CCBE1: variants seen among roughly 807,000 people sequenced by gnomAD.
CCBE1 encodes collagen and calcium binding EGF domains 1.
Under a neutral mutation model 50.0 loss-of-function variants are expected in CCBE1, and 37 were observed. The ratio of observed to expected loss-of-function variants is 0.74; its 90% CI spans 0.57 to 0.97. The LOEUF is 0.97. Among genes scored for constraint, CCBE1 ranks in the 50% least tolerant of loss-of-function variants. The pLI, the probability that CCBE1 is intolerant of heterozygous loss-of-function variation, is 0.00. For synonymous variants in CCBE1, 234 were observed against 203.7 expected, an observed-to-expected ratio of 1.15 and a Z score of -1.27; for missense variants, 538 against 523.8, an observed-to-expected ratio of 1.03 and a Z score of -0.26.
At chr18:59,549,642 A>T (rs938398182) in intron 2 of CCBE1, among the ~76,000 whole-genome samples, 12 of 152,180 alleles carry the variant, frequency 7.9e-5, no homozygotes, top group African/African-American at 2.9e-4. Context: ...ATGCCAGAAC[A>T]CACCAATTAT....
chr18:59,650,321 G>A (rs908599333), intron 2 of CCBE1, among the ~76,000 whole-genome samples: 1 of 150,680 alleles, frequency 6.6e-6, no homozygotes, highest in African/African-American at 2.4e-5. Flanking sequence ...CCAAAAAGCA[G>A]CATCCAAGCT....
intron 2 of CCBE1, among the ~76,000 whole-genome samples, chr18:59,626,381 A>G (rs528295400): frequency 3.3e-5 from 5 of 152,330 alleles, no homozygotes; most frequent in African/African-American, 1.2e-4. Context: ...ATAAATGTGG[A>G]AAAGGCAGCT....
chr18:59,583,839 G>A (rs1354487153), intron 2 of CCBE1, among the ~76,000 whole-genome samples: 2 of 152,156 alleles, frequency 1.3e-5, no homozygotes, highest in African/African-American at 4.8e-5. Flanking sequence ...GTGTCCCTGT[G>A]CAAATCTCAT....
chr18:59,489,252 T>C (rs1912974416), intron 2 of CCBE1, among the ~76,000 whole-genome samples: 1 of 152,174 alleles, frequency 6.6e-6, no homozygotes, highest in African/African-American at 2.4e-5. Flanking sequence ...AGAACATGCT[T>C]GCTGGTTCTG....
chr18:59,577,380 T>G (rs566758767), intron 2 of CCBE1, among the ~76,000 whole-genome samples: 1 of 152,274 alleles, frequency 6.6e-6, no homozygotes, highest in African/African-American at 2.4e-5. Context: ...AAGATTAATT[T>G]AATAAAAGGA....
chr18:59,522,273 T>C (rs903384642), intron 2 of CCBE1, among the ~76,000 whole-genome samples: 1 of 152,132 alleles, frequency 6.6e-6, no homozygotes, highest in African/African-American at 2.4e-5. Flanking sequence ...TTCTTGGAAA[T>C]GACAACATTA....
intron 2 of CCBE1, among the ~76,000 whole-genome samples, chr18:59,658,266 C>G (rs1194587327): frequency 2.6e-5 from 3 of 117,134 alleles, no homozygotes; most frequent in African/African-American, 9.8e-5. Flanking sequence ...GAGGCAGGAT[C>G]CCTTGAGGCC....
intron 2 of CCBE1, among the ~76,000 whole-genome samples, chr18:59,652,723 G>C (rs1235942608): frequency 6.6e-6 from 1 of 152,176 alleles, no homozygotes; most frequent in Admixed American, 6.5e-5. Flanking sequence ...CCAGCACTTC[G>C]GGAGGCCGAG....
intron 2 of CCBE1, among the ~76,000 whole-genome samples, chr18:59,633,473 T>C (rs2053876605): frequency 6.6e-6 from 1 of 152,248 alleles, no homozygotes; most frequent in Admixed American, 6.5e-5. Flanking sequence ...ACAGCATTAG[T>C]TCTTCCTCTT....
At chr18:59,547,067 G>GGGGGAC (rs1915721643) in intron 2 of CCBE1, among the ~76,000 whole-genome samples, 1 of 104,180 alleles carries the variant, frequency 9.6e-6, no homozygotes, top group Non-Finnish European at 1.9e-5. Flanking sequence ...GAGAGGGGGA[G>GGGGGAC]AGAGGGGGAG....
intron 2 of CCBE1, among the ~76,000 whole-genome samples, chr18:59,679,837 G>T (rs536525269): frequency 6.6e-6 from 1 of 152,188 alleles, no homozygotes; most frequent in Non-Finnish European, 1.5e-5. Flanking sequence ...TATGTAAGAT[G>T]AACATTGGTT....
At chr18:59,693,697 T>C (rs1316636614) in intron 2 of CCBE1, among the ~76,000 whole-genome samples, 2 of 152,026 alleles carry the variant, frequency 1.3e-5, no homozygotes, top group Non-Finnish European at 1.5e-5. Flanking sequence ...TATTTTATCG[T>C]TTTATACTCA....
At chr18:59,468,869 A>C (rs1297595378) in intron 4 of CCBE1, among the ~76,000 whole-genome samples, 1 of 140,710 alleles carries the variant, frequency 7.1e-6, no homozygotes, top group South Asian at 2.3e-4. Context: ...CGAGGACCCC[A>C]GATGTTTCTT....
chr18:59,672,016 C>T (rs1359186931), intron 2 of CCBE1, among the ~76,000 whole-genome samples: 9 of 152,124 alleles, frequency 5.9e-5, no homozygotes, highest in Admixed American at 2.6e-4. Context: ...CAGCCATGGA[C>T]GTGGAGACTG....
At chr18:59,643,031 G>A (rs2054011203) in intron 2 of CCBE1, among the ~76,000 whole-genome samples, 1 of 151,898 alleles carries the variant, frequency 6.6e-6, no homozygotes, top group Non-Finnish European at 1.5e-5. Context: ...AATGTTCTAG[G>A]CAAATGGTTG....
Position 59,588,179 on chromosome 18 carries a change from C to A in CCBE1, c.213-107941G>T, listed in dbSNP as rs1241739582. Among the ~76,000 whole-genome samples, 3 of 152,166 alleles carry A rather than the reference C, an allele frequency of 2.0e-5. No individual in the cohort carries two copies. The East Asian group carries it at 5.8e-4, about 29-fold the overall frequency. On this transcript the variant is annotated intron_variant, in intron 2 of 10. Transcript: ENST00000439986. ...TGGTTTTTGAGGTATAGCCTATATA[C>A]AAGTAAATTCTATAATTACATTAAT...
chr18:59,464,384 C>T (rs1256570736), intron 5 of CCBE1, among the ~76,000 whole-genome samples: 1 of 152,194 alleles, frequency 6.6e-6, no homozygotes, highest in Non-Finnish European at 1.5e-5. Context: ...GCTGAGATTG[C>T]ACCACTGCAC....
At chr18:59,542,078 G>A (rs1915488663) in intron 2 of CCBE1, among the ~76,000 whole-genome samples, 2 of 151,700 alleles carry the variant, frequency 1.3e-5, no homozygotes, top group Admixed American at 1.3e-4. Context: ...GGAGGCTGAG[G>A]TGGGAGGATC....
chr18:59,474,046 T>C (rs1912191450), intron 3 of CCBE1, among the ~76,000 whole-genome samples: 1 of 152,244 alleles, frequency 6.6e-6, no homozygotes, highest in African/African-American at 2.4e-5. Flanking sequence ...GCTCCATCCA[T>C]GTTTTTGCCA....
Sources: allele counts gnomAD v4.1 joint callset (sites outside exome capture counted in the v4.1 genomes callset), GRCh38; gene constraint gnomAD v4.1.1; transcripts MANE v1.5; gene names NCBI Gene and HGNC (gene_info 2026-07-23, HGNC 2026-07-21).